The following KIZ variants were observed in gnomAD, a reference collection of about 807,000 sequenced individuals.
KIZ encodes centrosomal protein kizuna.
Under a neutral mutation model 79.6 loss-of-function variants are expected in KIZ, and 68 were observed. That is an observed-to-expected ratio of 0.85 (90% CI 0.70 to 1.05). The LOEUF (loss-of-function observed/expected upper bound fraction) is 1.05. Ranked by LOEUF, KIZ falls within the 50% of genes least tolerant of loss-of-function variation. The pLI is 0.00. For synonymous variants in KIZ, 280 were observed against 281.8 expected (o/e 0.99, Z 0.06); for missense variants, 797 against 800.4 (o/e 1.00, Z 0.05).
intron 6 of KIZ, among the ~76,000 whole-genome samples, chr20:21,191,211 C>T (rs1329421088): frequency 1.3e-5 from 2 of 152,192 alleles, no homozygotes; most frequent in Non-Finnish European, 2.9e-5. Flanking sequence ...ATAGTGTTAG[C>T]CACTGAATTT....
chr20:21,194,856 A>T (rs1302214493), intron 6 of KIZ: 1 of 152,130 alleles, frequency 6.6e-6, no homozygotes, highest in Non-Finnish European at 1.5e-5. Context: ...TACTGTAAAG[A>T]TAAGTGTGTC....
At chr20:21,240,786 C>A (rs770672065) in intron 11 of KIZ, among the ~76,000 whole-genome samples, 3 of 152,204 alleles carry the variant, frequency 2.0e-5, no homozygotes, top group South Asian at 4.1e-4. Flanking sequence ...TTCGTGACAC[C>A]TGAAAGGTAT....
chr20:21,174,327 G>A (rs1159752152), intron 6 of KIZ, among the ~76,000 whole-genome samples: 4 of 152,124 alleles, frequency 2.6e-5, no homozygotes, highest in Non-Finnish European at 4.4e-5. Flanking sequence ...AGGGAGTTAT[G>A]TAACATATTG....
chr20:21,128,189 T>C (rs2031607077), intron 1 of KIZ, among the ~76,000 whole-genome samples: 1 of 152,140 alleles, frequency 6.6e-6, no homozygotes, highest in Non-Finnish European at 1.5e-5. Context: ...ATTTTTGTAT[T>C]TTTAGTGGAG....
At chr20:21,217,723 G>C (rs2036351239) in intron 9 of KIZ, among the ~76,000 whole-genome samples, 1 of 152,148 alleles carries the variant, frequency 6.6e-6, no homozygotes, top group African/African-American at 2.4e-5. Context: ...AATCATTTGT[G>C]AAAGTGCCAA....
At chr20:21,176,975 C>G (rs760230416) in intron 6 of KIZ, among the ~76,000 whole-genome samples, 2 of 152,156 alleles carry the variant, frequency 1.3e-5, no homozygotes, top group African/African-American at 4.8e-5. Context: ...TTTCATTGTA[C>G]GTGTATTTTC....
intron 6 of KIZ, among the ~76,000 whole-genome samples, chr20:21,170,174 G>A (rs1415754855): frequency 6.6e-6 from 1 of 151,818 alleles, no homozygotes; most frequent in South Asian, 2.1e-4. Context: ...TACATAGTAG[G>A]TATATGTATC....
At chr20:21,147,463 C>T (rs1424465498) in intron 4 of KIZ, among the ~76,000 whole-genome samples, 1 of 152,164 alleles carries the variant, frequency 6.6e-6, no homozygotes, top group Non-Finnish European at 1.5e-5. Context: ...AATTCCTGAA[C>T]CATTCCTTAT....
intron 6 of KIZ, among the ~76,000 whole-genome samples, chr20:21,177,860 C>A (rs925199844): frequency 6.6e-6 from 1 of 152,046 alleles, no homozygotes; most frequent in Non-Finnish European, 1.5e-5. Flanking sequence ...ATTCTTGATA[C>A]CCTTGTCAAA....
chr20:21,192,533 C>T (rs894088878), intron 6 of KIZ, among the ~76,000 whole-genome samples: 2 of 151,974 alleles, frequency 1.3e-5, no homozygotes, highest in African/African-American at 4.8e-5. Flanking sequence ...TTCAGTCTCA[C>T]TAAAAATATA....
intron 11 of KIZ, among the ~76,000 whole-genome samples, chr20:21,237,021 G>T (rs982064813): frequency 6.6e-6 from 1 of 151,292 alleles, no homozygotes; most frequent in Non-Finnish European, 1.5e-5. Flanking sequence ...AAAAATGATG[G>T]CTGGGTGCGG....
intron 4 of KIZ, among the ~76,000 whole-genome samples, chr20:21,153,217 C>A (rs754553742): frequency 6.6e-6 from 1 of 152,142 alleles, no homozygotes; most frequent in South Asian, 2.1e-4. Context: ...TTGATGCCAC[C>A]GTCACCACCA....
intron 10 of KIZ, among the ~76,000 whole-genome samples, chr20:21,231,362 A>G (rs534296733): frequency 6.6e-6 from 1 of 152,282 alleles, no homozygotes; most frequent in Admixed American, 6.5e-5. Flanking sequence ...AATTTGACAT[A>G]TAAGTTCTAG....
At position 21,188,865 on chromosome 20, in the gene KIZ, A is replaced by C. The variant is rs151216098; in HGVS notation, c.1353-16626A>C. Reference sequence around the variant, plus strand: ...CAGGCGCCTGCCACCACGCCCAGCTAATTTTTGTGTGTGTGTGTTTTTTTG... The same window carrying C: ...CAGGCGCCTGCCACCACGCCCAGCTCATTTTTGTGTGTGTGTGTTTTTTTG... On this transcript the variant is annotated intron_variant, in intron 6 of 12. Coordinates refer to ENST00000619189, the MANE Select transcript of KIZ (RefSeq NM_018474.6). 4.7e-3 allele frequency among the ~76,000 whole-genome samples: 714 copies of C among 151,320 alleles called. 10 individuals carry two copies. Among genetic ancestry groups the C allele is most frequent in the African/African-American group, 0.016 (671 of 41,184 alleles).
intron 6 of KIZ, among the ~76,000 whole-genome samples, chr20:21,203,611 T>A (rs1435317684): frequency 1.3e-5 from 2 of 152,240 alleles, no homozygotes; most frequent in African/African-American, 4.8e-5. Flanking sequence ...TGATCATTTC[T>A]TCTGCATTTA....
intron 4 of KIZ, among the ~76,000 whole-genome samples, chr20:21,152,609 T>A (rs2033174199): frequency 6.6e-6 from 1 of 152,200 alleles, no homozygotes; most frequent in South Asian, 2.1e-4. Flanking sequence ...CCTTGACAGT[T>A]TTAGGTATTT....
chr20:21,162,893 A>C lies in KIZ; in HGVS notation c.1086A>C (p.Arg362Ser). 2 of 1,613,614 alleles carry C rather than the reference A, an allele frequency of 1.2e-6. No homozygotes were observed. Among genetic ancestry groups the C allele is most frequent in the Non-Finnish European group, 1.7e-6 (2 of 1,179,758 alleles). The change falls in exon 6 of 13, where the codon AGA (arginine) becomes AGC (serine). Residue 362 changes from arginine (R) to serine (S), a missense_variant. Physicochemically the swap from Arg to Ser is moderately radical, Grantham distance 110. Coordinates refer to ENST00000619189, the MANE Select transcript of KIZ (RefSeq NM_018474.6). ...AACCAAAGTCACAAAAGCCCTTCAG[A>C]AAAATGCAGGAAGAGGAGGAGGAAA... Reference protein sequence around the residue: ...HREPKSQKPFRKMQEEEEESW... With the variant: ...HREPKSQKPFSKMQEEEEESW...
At chr20:21,137,118 TG>T (rs1225194100) in intron 3 of KIZ, among the ~76,000 whole-genome samples, 2 of 152,224 alleles carry the variant, frequency 1.3e-5, no homozygotes, top group East Asian at 3.9e-4. Context: ...TCTTTTTCTG[TG>T]GTCTGGGCCC....
chr20:21,139,233 C>T (rs988778210), intron 3 of KIZ, among the ~76,000 whole-genome samples: 5 of 151,982 alleles, frequency 3.3e-5, no homozygotes, highest in Non-Finnish European at 5.9e-5. Context: ...GACATAACCC[C>T]GTTAATTCTG....
Sources: allele counts gnomAD v4.1 joint callset (sites outside exome capture counted in the v4.1 genomes callset), GRCh38; gene constraint gnomAD v4.1.1; transcripts MANE v1.5; gene names NCBI Gene and HGNC (gene_info 2026-07-23, HGNC 2026-07-21).